The following SVOPL variants were observed in gnomAD, a reference collection of about 807,000 sequenced individuals.
The protein encoded by SVOPL is putative transporter SVOPL.
Under a neutral mutation model 61.0 loss-of-function variants are expected in SVOPL, and 60 were observed. The observed-to-expected ratio is 0.98, with a 90% CI of 0.80 to 1.22. The LOEUF is 1.22. SVOPL is among the 50% of genes most tolerant of loss of function. The pLI is 0.00. For synonymous variants in SVOPL, 279 were observed against 250.0 expected (o/e 1.12, Z -1.09); for missense variants, 662 against 643.9 (o/e 1.03, Z -0.30).
intron 14 of SVOPL, among the ~76,000 whole-genome samples, chr7:138,613,870 T>G (rs1298235600): frequency 6.6e-6 from 1 of 152,170 alleles, no homozygotes; most frequent in African/African-American, 2.4e-5. Context: ...ACTAGCACCA[T>G]GACTAATTTC....
intron 1 of SVOPL, among the ~76,000 whole-genome samples, chr7:138,679,979 A>G (rs1802663402): frequency 6.6e-6 from 1 of 152,180 alleles, no homozygotes; most frequent in African/African-American, 2.4e-5. Flanking sequence ...AGGCCAAATT[A>G]GACAACCAGG....
chr7:138,637,999 T>C (rs538048937), intron 9 of SVOPL, among the ~76,000 whole-genome samples: 1 of 151,270 alleles, frequency 6.6e-6, no homozygotes, highest in African/African-American at 2.4e-5. Context: ...ATTGGCCGGG[T>C]GTTGTGGCTC....
chr7:138,644,780 C>T lies in SVOPL; in HGVS notation c.726G>A (p.Leu242=). The T allele has an allele frequency of 6.2e-7, 1 of 1,614,156 alleles. No individual in the cohort carries two copies. The highest frequency in any genetic ancestry group is 8.5e-7 in the Non-Finnish European group (1 of 1,180,032). Residue 242 remains leucine (L), a synonymous_variant, in exon 9 of 16, where the codon CTG becomes CTA. Coordinates refer to ENST00000674285, the MANE Select transcript of SVOPL (RefSeq NM_001139456.2). ...TGNTRAALAT[L]ERVAKMNRSV... is the part of the protein sequence containing the mutation. ...AGCGGTTCATCTTGGCAACGCGCTCCAGAGTGGCCAGGGCAGCCCGAGTGT... is the reference window on the plus strand; with the variant it reads ...AGCGGTTCATCTTGGCAACGCGCTCTAGAGTGGCCAGGGCAGCCCGAGTGT...
chr7:138,611,298 A>T (rs1462597819), intron 14 of SVOPL, among the ~76,000 whole-genome samples: 1 of 152,176 alleles, frequency 6.6e-6, no homozygotes, highest in East Asian at 1.9e-4. Context: ...GAATTGCTTG[A>T]ACCCAGGAGG....
intron 14 of SVOPL, among the ~76,000 whole-genome samples, chr7:138,612,267 G>T (rs1584780217): frequency 2.8e-5 from 1 of 35,268 alleles, no homozygotes; most frequent in African/African-American, 7.2e-5. Flanking sequence ...GCGGAAGGCC[G>T]CAGGGTCCTC....
At chr7:138,596,719 A>G in intron 14 of SVOPL, 189 bp from the exon 15 acceptor site, 1 of 1,305,592 alleles carries the variant, frequency 7.7e-7, no homozygotes, top group Non-Finnish European at 9.8e-7. Flanking sequence ...TGATTAGTCC[A>G]AGAACAGGAA....
intron 6 of SVOPL, among the ~76,000 whole-genome samples, chr7:138,658,013 T>C (rs1436174480): frequency 6.6e-6 from 1 of 152,150 alleles, no homozygotes; most frequent in Non-Finnish European, 1.5e-5. Flanking sequence ...ACATTATAAT[T>C]AGAGTATAAT....
chr7:138,649,725 T>C (rs981100953), intron 7 of SVOPL, among the ~76,000 whole-genome samples: 1 of 152,162 alleles, frequency 6.6e-6, no homozygotes, highest in Non-Finnish European at 1.5e-5. Context: ...AGGGACAATA[T>C]TGCTAAAGAG....
chr7:138,686,671 T>A (rs1802825423), intron 1 of SVOPL, among the ~76,000 whole-genome samples: 1 of 144,998 alleles, frequency 6.9e-6, no homozygotes. Context: ...GTTCAAGCAA[T>A]TCTCCTGCCT....
At chr7:138,689,472 G>T (rs1802891640) in intron 1 of SVOPL, 1 of 931,480 alleles carries the variant, frequency 1.1e-6, no homozygotes, top group Non-Finnish European at 1.7e-6. Flanking sequence ...AGACAAGGTT[G>T]CCCTGAAGAA....
chr7:138,689,355 C>A, intron 1 of SVOPL: 3 of 1,589,188 alleles, frequency 1.9e-6, no homozygotes, highest in East Asian at 2.2e-5. Context: ...ACCTAAGATG[C>A]GCCGCCGGAT....
chr7:138,642,013 G>A (rs1800828714), intron 9 of SVOPL, among the ~76,000 whole-genome samples: 2 of 150,550 alleles, frequency 1.3e-5, no homozygotes, highest in South Asian at 4.2e-4. Flanking sequence ...TTAACAAGAA[G>A]TCCCTATATA....
chr7:138,658,825 CTG>C (rs1563125496), intron 6 of SVOPL, among the ~76,000 whole-genome samples: 2 of 152,136 alleles, frequency 1.3e-5, no homozygotes, highest in African/African-American at 4.8e-5. Flanking sequence ...ATCTATAAAT[CTG>C]TAACTTATTA....
chr7:138,639,229 T>C (rs1350023492), intron 9 of SVOPL, among the ~76,000 whole-genome samples: 4 of 151,780 alleles, frequency 2.6e-5, no homozygotes, highest in Non-Finnish European at 5.9e-5. Flanking sequence ...CACTCCAGCC[T>C]GGGCAACAGA....
At chr7:138,616,611 CA>C (rs1799315666) in intron 14 of SVOPL, among the ~76,000 whole-genome samples, 1 of 152,214 alleles carries the variant, frequency 6.6e-6, no homozygotes, top group South Asian at 2.1e-4. Context: ...GCTGGGATTA[CA>C]GACATGAGCC....
intron 1 of SVOPL, among the ~76,000 whole-genome samples, chr7:138,682,657 A>G (rs1269179804): frequency 1.3e-5 from 2 of 152,152 alleles, no homozygotes; most frequent in Non-Finnish European, 2.9e-5. Context: ...CAAATCAACT[A>G]TAAAAAATTT....
At chr7:138,597,120 T>C in intron 14 of SVOPL, 1 of 1,277,164 alleles carries the variant, frequency 7.8e-7, no homozygotes, top group South Asian at 1.3e-5. Flanking sequence ...CTGGATCTTT[T>C]CACGCAGATA....
intron 7 of SVOPL, among the ~76,000 whole-genome samples, chr7:138,649,728 CT>C (rs1029562270): frequency 6.6e-6 from 1 of 152,066 alleles, no homozygotes; most frequent in Non-Finnish European, 1.5e-5. Flanking sequence ...GACAATATTG[CT>C]AAAGAGGCAA....
At chr7:138,667,976 T>A (rs1802315398) in intron 4 of SVOPL, among the ~76,000 whole-genome samples, 1 of 152,184 alleles carries the variant, frequency 6.6e-6, no homozygotes, top group Non-Finnish European at 1.5e-5. Flanking sequence ...GCCACAAGAT[T>A]AGAAATTGTG....
Sources: gnomAD v4.1 joint callset for allele counts (sites outside exome capture counted in the v4.1 genomes callset) on GRCh38, gnomAD v4.1.1 for gene constraint, MANE v1.5 for transcripts, NCBI Gene and HGNC (gene_info 2026-07-23, HGNC 2026-07-21) for gene names.